Variants in DAB1 observed in about 807,000 individuals in gnomAD.
The protein encoded by DAB1 is DAB adaptor protein 1, also known as disabled homolog 1.
DAB1 carries 15 observed loss-of-function variants against 64.6 expected under a neutral mutation model. The observed-to-expected ratio is 0.23, with a 90% CI of 0.16 to 0.36. The LOEUF (loss-of-function observed/expected upper bound fraction) is 0.36. Among genes scored for constraint, DAB1 ranks in the 10% least tolerant of loss-of-function variants. The probability of loss-of-function intolerance (pLI) is 1.00; values close to 1 mark genes in which losing one functional copy is unlikely to be tolerated. For synonymous variants in DAB1, 235 were observed against 251.9 expected (o/e 0.93, Z 0.64); for missense variants, 596 against 706.7 (o/e 0.84, Z 1.78).
chr1:58,089,815 G>A (rs950180456), intron 5 of DAB1, among the ~76,000 whole-genome samples: 3 of 152,146 alleles, frequency 2.0e-5, no homozygotes, highest in African/African-American at 4.8e-5. Flanking sequence ...TGATTACCTG[G>A]GCACTGTTTT....
At chr1:58,197,080 C>T (rs372148789) in intron 4 of DAB1, among the ~76,000 whole-genome samples, 19 of 152,168 alleles carry the variant, frequency 1.2e-4, no homozygotes, top group African/African-American at 4.3e-4. Flanking sequence ...TAGCTATATG[C>T]AGAGGAGATG....
chr1:57,137,101 G>A (rs1328767963), intron 3 of DAB1, among the ~76,000 whole-genome samples: 1 of 151,892 alleles, frequency 6.6e-6, no homozygotes, highest in African/African-American at 2.4e-5. Flanking sequence ...TTAGATAATA[G>A]AAAATAAAAA....
At chr1:58,371,965 T>C (rs1404043129) in intron 3 of DAB1, among the ~76,000 whole-genome samples, 2 of 152,214 alleles carry the variant, frequency 1.3e-5, no homozygotes, top group Non-Finnish European at 2.9e-5. Context: ...AGAGCCCTCA[T>C]AGAGAACTTC....
chr1:58,100,156 C>T (rs1651228167), intron 5 of DAB1, among the ~76,000 whole-genome samples: 1 of 152,148 alleles, frequency 6.6e-6, no homozygotes, highest in Non-Finnish European at 1.5e-5. Context: ...AGTGTGTTCA[C>T]AATGTTGAAA....
chr1:58,275,722 T>C (rs756978482), intron 4 of DAB1, among the ~76,000 whole-genome samples: 26 of 152,208 alleles, frequency 1.7e-4, no homozygotes, highest in Non-Finnish European at 3.5e-4. Context: ...ATGTACTCTT[T>C]GTGGGAACAT....
chr1:57,472,033 G>A (rs1687154166), intron 7 of DAB1, among the ~76,000 whole-genome samples: 1 of 152,182 alleles, frequency 6.6e-6, no homozygotes, highest in Non-Finnish European at 1.5e-5. Flanking sequence ...AAAACCAGAG[G>A]AAGCAGGAGA....
chr1:57,634,107 G>A lies in DAB1; in HGVS notation n.625+15485C>T, dbSNP rs1054445238. 2.6e-5 allele frequency among the ~76,000 whole-genome samples: 4 copies of A among 152,198 alleles called. No individual in the cohort carries two copies. In the South Asian group the frequency reaches 6.2e-4, roughly 24 times the overall value. On this transcript the variant is annotated intron_variant and non_coding_transcript_variant, in intron 7 of 20. Transcript: ENST00000485760. The stretch of plus-strand genomic sequence containing the variant: ...GTAAGAAATCCTAGGTTCAAGACCT[G>A]CCTCTTTAAAGAAGACAGCTAGCAT...
chr1:57,675,194 A>G (rs1004445773), intron 6 of DAB1, among the ~76,000 whole-genome samples: 4 of 152,208 alleles, frequency 2.6e-5, no homozygotes, highest in African/African-American at 4.8e-5. Context: ...TGGCATGTCA[A>G]TACCTACATC....
intron 6 of DAB1, among the ~76,000 whole-genome samples, chr1:57,717,210 C>T (rs1041379382): frequency 6.6e-6 from 1 of 151,140 alleles, no homozygotes; most frequent in Admixed American, 6.6e-5. Context: ...GCACTCCAGC[C>T]TGGGCGACAG....
chr1:58,159,584 T>A (rs928069749), intron 4 of DAB1, among the ~76,000 whole-genome samples: 3 of 152,214 alleles, frequency 2.0e-5, no homozygotes, highest in Non-Finnish European at 4.4e-5. Flanking sequence ...TCAACATTAC[T>A]GCAATGTAAC....
At chr1:57,058,486 G>A (rs983689335) in intron 9 of DAB1, among the ~76,000 whole-genome samples, 6 of 152,122 alleles carry the variant, frequency 3.9e-5, no homozygotes, top group South Asian at 4.1e-4. Flanking sequence ...ACTCTGTGTC[G>A]ATGCTTACTG....
intron 5 of DAB1, among the ~76,000 whole-genome samples, chr1:57,932,472 T>TG (rs1644967090): frequency 6.6e-6 from 1 of 151,348 alleles, no homozygotes; most frequent in African/African-American, 2.4e-5. Flanking sequence ...CAGCTAATTT[T>TG]TTTTTTTTTT....
chr1:57,580,146 A>G (rs1645296272), intron 7 of DAB1, among the ~76,000 whole-genome samples: 1 of 152,138 alleles, frequency 6.6e-6, no homozygotes. Context: ...GTAGTGGCTC[A>G]AAGTGTGGGA....
chr1:57,886,825 C>T (rs750649205), upstream of DAB1, among the ~76,000 whole-genome samples: 29 of 152,284 alleles, frequency 1.9e-4, no homozygotes, highest in South Asian at 2.3e-3. Flanking sequence ...TGAATCTCTC[C>T]AGGCACGTAT....
At chr1:57,234,312 A>G (rs1303935340) in intron 2 of DAB1, among the ~76,000 whole-genome samples, 3 of 152,174 alleles carry the variant, frequency 2.0e-5, no homozygotes, top group Non-Finnish European at 4.4e-5. Context: ...GATAATTCCA[A>G]GGTGAATTCA....
chr1:58,383,280 G>A (rs1569711869), intron 3 of DAB1, among the ~76,000 whole-genome samples: 1 of 152,176 alleles, frequency 6.6e-6, no homozygotes, highest in Non-Finnish European at 1.5e-5. Context: ...TCAAGATTCA[G>A]ACTCAGGTCT....
intron 4 of DAB1, among the ~76,000 whole-genome samples, chr1:58,253,672 A>G (rs944962959): frequency 6.6e-6 from 1 of 152,356 alleles, no homozygotes; most frequent in African/African-American, 2.4e-5. Context: ...CAACTGACAG[A>G]TGGTAAAACT....
chr1:57,567,399 T>C (rs1456527668), intron 7 of DAB1, among the ~76,000 whole-genome samples: 1 of 152,084 alleles, frequency 6.6e-6, no homozygotes, highest in East Asian at 1.9e-4. Context: ...CCACTCCTAT[T>C]CAACATAGTG....
chr1:57,695,648 C>T (rs540808141), intron 6 of DAB1, among the ~76,000 whole-genome samples: 1 of 152,134 alleles, frequency 6.6e-6, no homozygotes, highest in African/African-American at 2.4e-5. Context: ...ACCTGTAATC[C>T]CAGCACTTGG....
Sources: allele counts gnomAD v4.1 joint callset (sites outside exome capture counted in the v4.1 genomes callset), GRCh38; gene constraint gnomAD v4.1.1; transcripts MANE v1.5; gene names NCBI Gene and HGNC (gene_info 2026-07-23, HGNC 2026-07-21).